CARMIL1: variants seen among roughly 807,000 people sequenced by gnomAD.
CARMIL1 encodes the protein capping protein regulator and myosin 1 linker 1.
A neutral mutation model predicts 177.1 loss-of-function variants in CARMIL1; 90 were observed. The ratio of observed to expected loss-of-function variants is 0.51; its 90% CI spans 0.43 to 0.61. CARMIL1 has a LOEUF of 0.61. Ranked by LOEUF, CARMIL1 falls within the 20% of genes least tolerant of loss-of-function variation. CARMIL1 has a pLI of 0.00. For missense variants in CARMIL1, 1,380 were observed against 1,667.0 expected (o/e 0.83, Z 3.00); for synonymous variants, 577 against 606.2 (o/e 0.95, Z 0.71).
chr6:25,481,168 A>G (rs1802090030), intron 11 of CARMIL1, among the ~76,000 whole-genome samples: 1 of 152,018 alleles, frequency 6.6e-6, no homozygotes, highest in Non-Finnish European at 1.5e-5. Context: ...AATTTACAAA[A>G]TGGATTAGCA....
chr6:25,422,503 TA>T (rs1293655471), intron 3 of CARMIL1, among the ~76,000 whole-genome samples: 1 of 152,182 alleles, frequency 6.6e-6, no homozygotes, highest in Non-Finnish European at 1.5e-5. Context: ...TGTTAACTTT[TA>T]TAAAGTTTCT....
intron 5 of CARMIL1, among the ~76,000 whole-genome samples, chr6:25,439,926 G>T (rs532195933): frequency 2.0e-5 from 3 of 152,294 alleles, no homozygotes; most frequent in East Asian, 3.9e-4. Flanking sequence ...GCTGGAGACT[G>T]CCCTAATAAA....
intron 5 of CARMIL1, among the ~76,000 whole-genome samples, chr6:25,442,976 G>C (rs970846913): frequency 6.6e-6 from 1 of 152,106 alleles, no homozygotes; most frequent in Non-Finnish European, 1.5e-5. Context: ...TCAGCTTCCT[G>C]TTTTTAATCC....
chr6:25,286,907 G>A lies in CARMIL1; in HGVS notation c.138+1998G>A, dbSNP rs747881949. On this transcript the variant is annotated intron_variant, in intron 2 of 36. Coordinates refer to ENST00000329474, the MANE Select transcript of CARMIL1 (RefSeq NM_017640.6). ...TTTTTTTGGCCTCATCTAACAGCTG[G>A]AATTGATTAAAGTTGTAACCAAATT... Among the ~76,000 whole-genome samples, 3 of 152,092 alleles carry A rather than the reference G, an allele frequency of 2.0e-5. 1 individual carries two copies. Among genetic ancestry groups the A allele is most frequent in the Admixed American group, 6.6e-5 (1 of 15,266 alleles).
intron 2 of CARMIL1, among the ~76,000 whole-genome samples, chr6:25,392,365 G>A (rs1449249837): frequency 2.6e-5 from 4 of 152,026 alleles, no homozygotes; most frequent in Non-Finnish European, 5.9e-5. Context: ...TTTATATCAA[G>A]CAAAAATGTT....
At chr6:25,344,847 C>T (rs1289557910) in intron 2 of CARMIL1, among the ~76,000 whole-genome samples, 1 of 152,080 alleles carries the variant, frequency 6.6e-6, no homozygotes, top group Non-Finnish European at 1.5e-5. Flanking sequence ...ATGAAATTTT[C>T]CCTCCCTTTC....
intron 2 of CARMIL1, among the ~76,000 whole-genome samples, chr6:25,292,884 A>G (rs1782086597): frequency 6.6e-6 from 1 of 152,194 alleles, no homozygotes; most frequent in African/African-American, 2.4e-5. Context: ...TAATCAAAAT[A>G]TGGAATGAAT....
chr6:25,456,122 G>C (rs1357310617), intron 8 of CARMIL1, among the ~76,000 whole-genome samples: 2 of 152,182 alleles, frequency 1.3e-5, no homozygotes, highest in African/African-American at 2.4e-5. Context: ...GGATGGAGAG[G>C]CATGTGCATC....
rs1038612265 is a variant in CARMIL1, at chr6:25,279,434, G to A, written c.-362G>A. ...GTAGGTGCGGCGCGGAGGCTGGGCG[G>A]GAGCTACGCCGGCCCAAGCCCCGCC... is the stretch of plus-strand genomic sequence containing the variant. On this transcript the variant is annotated 5_prime_UTR_variant, in exon 1 of 37. Transcript: ENST00000329474. The A allele has an allele frequency of 1.9e-5, 7 of 374,782 alleles. No homozygotes were observed. Among genetic ancestry groups the A allele is most frequent in the Middle Eastern group, 1.7e-3 (2 of 1,198 alleles). 23.2% of individuals were successfully genotyped at this position (374,782 alleles called of 1,614,324 possible).
chr6:25,515,570 C>A lies in CARMIL1; in HGVS notation c.1633-105C>A. Reference sequence around the variant, plus strand: ...TTTAGGTAGTAGTTCTAAAATCAGACACGTGCAGTAGGTCCATCCCCTCTC... The same window carrying A: ...TTTAGGTAGTAGTTCTAAAATCAGAAACGTGCAGTAGGTCCATCCCCTCTC... On this transcript the variant is annotated intron_variant, in intron 20 of 36. Coordinates refer to ENST00000329474, the MANE Select transcript of CARMIL1 (RefSeq NM_017640.6). This position sits in a 1 kb window ranked among gnomAD's most constrained non-coding sequence, Gnocchi z 5.0. 2 of 1,038,754 alleles carry A rather than the reference C, an allele frequency of 1.9e-6. No homozygotes were observed. Among genetic ancestry groups the A allele is most frequent in the Non-Finnish European group, 2.7e-6 (2 of 736,372 alleles). The allele number at this position is 1,038,754 out of a possible 1,614,324, so 64.3% of individuals were successfully genotyped here. A position where few individuals can be genotyped will look rare whatever the true frequency, so the allele number is the denominator to read the frequency against.
At chr6:25,348,240 C>T (rs1787738884) in intron 2 of CARMIL1, among the ~76,000 whole-genome samples, 1 of 152,050 alleles carries the variant, frequency 6.6e-6, no homozygotes, top group South Asian at 2.1e-4. Context: ...TCAATCGATT[C>T]TCCTGCCTCA....
At chr6:25,377,995 T>A (rs1424486871) in intron 2 of CARMIL1, among the ~76,000 whole-genome samples, 1 of 152,084 alleles carries the variant, frequency 6.6e-6, no homozygotes, top group African/African-American at 2.4e-5. Flanking sequence ...AGGGTAGGAT[T>A]GAGGGGCAAA....
intron 2 of CARMIL1, among the ~76,000 whole-genome samples, chr6:25,392,980 A>G (rs949188521): frequency 2.6e-5 from 4 of 151,304 alleles, no homozygotes; most frequent in African/African-American, 7.3e-5. Flanking sequence ...TGTGCCTGTT[A>G]TATGTTACTA....
rs550160202 is a variant in CARMIL1, at chr6:25,392,326, C to T, written c.139-27788C>T. Among the ~76,000 whole-genome samples the T allele has an allele frequency of 1.1e-4, 17 of 152,186 alleles. No individual in the cohort carries two copies. The South Asian group carries it at 3.5e-3, about 32-fold the overall frequency. ...CCTTATAAAAGAGTTCACTTCTTTC[C>T]ACAACTTCAAATTGATCTTGGAATT... is the stretch of plus-strand genomic sequence containing the variant. On this transcript the variant is annotated intron_variant, in intron 2 of 36. Coordinates refer to ENST00000329474, the MANE Select transcript of CARMIL1 (RefSeq NM_017640.6).
At chr6:25,332,786 C>T (rs1273147113) in intron 2 of CARMIL1, among the ~76,000 whole-genome samples, 1 of 144,964 alleles carries the variant, frequency 6.9e-6, no homozygotes, top group Admixed American at 7.0e-5. Context: ...CACACACACA[C>T]ACACACTTCT....
At chr6:25,499,933 T>C (rs1804138543) in intron 16 of CARMIL1, among the ~76,000 whole-genome samples, 1 of 152,254 alleles carries the variant, frequency 6.6e-6, no homozygotes, top group Admixed American at 6.5e-5. Flanking sequence ...GTTTTACATT[T>C]ATGATGGGCT....
chr6:25,364,752 A>G (rs1471054355), intron 2 of CARMIL1, among the ~76,000 whole-genome samples: 1 of 152,060 alleles, frequency 6.6e-6, no homozygotes, highest in African/African-American at 2.4e-5. Context: ...TTTAGTAGAG[A>G]TGGGGTTTCG....
intron 2 of CARMIL1, among the ~76,000 whole-genome samples, chr6:25,300,087 G>A (rs1782730139): frequency 6.6e-6 from 1 of 151,942 alleles, no homozygotes; most frequent in African/African-American, 2.4e-5. Flanking sequence ...TCAAATGTCA[G>A]AGAGCAGGTG....
At chr6:25,588,340 T>C (rs1184055260) in intron 31 of CARMIL1, among the ~76,000 whole-genome samples, 1 of 152,230 alleles carries the variant, frequency 6.6e-6, no homozygotes, top group African/African-American at 2.4e-5. Flanking sequence ...TAGTCCATTA[T>C]GGGTATTTCT....
Sources: allele counts gnomAD v4.1 joint callset (sites outside exome capture counted in the v4.1 genomes callset), GRCh38; gene constraint gnomAD v4.1.1; non-coding constraint Gnocchi (gnomAD v3.1); transcripts MANE v1.5; gene names NCBI Gene and HGNC (gene_info 2026-07-23, HGNC 2026-07-21).